Variants in PDE10A observed in about 807,000 individuals in gnomAD.
The protein encoded by PDE10A is phosphodiesterase 10A, also known as cAMP and cAMP-inhibited cGMP 3',5'-cyclic phosphodiesterase 10A.
A neutral mutation model predicts 97.7 loss-of-function variants in PDE10A; 39 were observed. That is an observed-to-expected ratio of 0.40 (90% confidence interval 0.31 to 0.52). The LOEUF (loss-of-function observed/expected upper bound fraction) is 0.52. Among genes scored for constraint, PDE10A ranks in the 20% least tolerant of loss-of-function variants. The pLI, the probability that PDE10A is intolerant of heterozygous loss-of-function variation, is 0.56. For synonymous variants in PDE10A, 371 were observed against 376.8 expected (o/e 0.98, Z 0.18); for missense variants, 731 against 1,047.8 (o/e 0.70, Z 4.17).
chr6:165,799,779 T>C (rs1171425677), intron 1 of PDE10A, among the ~76,000 whole-genome samples: 3 of 152,238 alleles, frequency 2.0e-5, no homozygotes, highest in African/African-American at 7.2e-5. Context: ...CTTTTGCAGA[T>C]ATTATCATTC....
At chr6:165,432,656 C>T (rs1789681979) in intron 7 of PDE10A, among the ~76,000 whole-genome samples, 2 of 152,100 alleles carry the variant, frequency 1.3e-5, no homozygotes, top group Admixed American at 6.5e-5. Flanking sequence ...TTAAAGAAGA[C>T]ATAAAGACAA....
chr6:165,343,250 A>C, intron 19 of PDE10A, 141 bp downstream of exon 19: 1 of 646,230 alleles, frequency 1.5e-6, no homozygotes, highest in African/African-American at 1.8e-5. Flanking sequence ...TATCTGCATA[A>C]GTGCTAAATC....
chr6:165,360,932 G>C (rs1041001352), intron 18 of PDE10A, among the ~76,000 whole-genome samples: 1 of 152,044 alleles, frequency 6.6e-6, no homozygotes, highest in African/African-American at 2.4e-5. Flanking sequence ...TAATACTGGG[G>C]GGTTCATTAC....
intron 1 of PDE10A, among the ~76,000 whole-genome samples, chr6:165,596,338 C>G (rs149700299): frequency 6.6e-6 from 1 of 152,326 alleles, no homozygotes; most frequent in African/African-American, 2.4e-5. Context: ...CCTCCTCAAT[C>G]GTCTCCCTGC....
At chr6:165,618,955 C>CT (rs1562633296) in intron 1 of PDE10A, among the ~76,000 whole-genome samples, 6 of 95,084 alleles carry the variant, frequency 6.3e-5, no homozygotes, top group Non-Finnish European at 9.9e-5. Flanking sequence ...TAGTGTAGTG[C>CT]AGTGTAGACT....
At chr6:165,901,390 C>T (rs1310679001) in intron 1 of PDE10A, among the ~76,000 whole-genome samples, 3 of 152,236 alleles carry the variant, frequency 2.0e-5, no homozygotes, top group Non-Finnish European at 2.9e-5. Context: ...TGTTTTAAAA[C>T]AGCCGGTGGC....
At chr6:165,910,597 A>G (rs368405612) in intron 1 of PDE10A, among the ~76,000 whole-genome samples, 2 of 152,336 alleles carry the variant, frequency 1.3e-5, no homozygotes, top group African/African-American at 4.8e-5. Context: ...GTTCTACAAA[A>G]GGGATAAAGC....
At chr6:165,757,128 G>A (rs538250702) in intron 1 of PDE10A, among the ~76,000 whole-genome samples, 3 of 152,040 alleles carry the variant, frequency 2.0e-5, no homozygotes, top group East Asian at 3.9e-4. Flanking sequence ...CACCACATCC[G>A]GCTAATTTTT....
At chr6:165,970,989 A>T (rs1460740789) in intron 1 of PDE10A, among the ~76,000 whole-genome samples, 2 of 152,196 alleles carry the variant, frequency 1.3e-5, no homozygotes, top group Non-Finnish European at 2.9e-5. Context: ...CTCTACTAAA[A>T]ATACAAAAAT....
At chr6:165,350,875 A>G (rs1782647376) in intron 18 of PDE10A, among the ~76,000 whole-genome samples, 1 of 152,120 alleles carries the variant, frequency 6.6e-6, no homozygotes, top group South Asian at 2.1e-4. Context: ...CCCTTCCATC[A>G]TGATTGTAAG....
rs145497934 is a variant in PDE10A at position 165,587,237 on chromosome 6, G to A, written c.866-43669C>T. The stretch of plus-strand genomic sequence containing the variant: ...ACAGGTCAATGCACAGAATATGTGG[G>A]TGGAGGAATGAAAGAAAGAAGTAAA... On this transcript the variant is annotated intron_variant, in intron 1 of 21. Transcript: ENST00000539869. 5.6e-3 allele frequency among the ~76,000 whole-genome samples: 859 copies of A among 152,270 alleles called. 4 individuals are homozygous for A. The highest frequency in any genetic ancestry group is 0.011 in the African/African-American group (457 of 41,570).
chr6:165,474,856 T>A (rs1310746004), intron 3 of PDE10A, among the ~76,000 whole-genome samples: 1 of 152,114 alleles, frequency 6.6e-6, no homozygotes, highest in Non-Finnish European at 1.5e-5. Context: ...AAATTTTAAA[T>A]AAGTGCCTGA....
intron 1 of PDE10A, among the ~76,000 whole-genome samples, chr6:165,571,190 G>A (rs1056803384): frequency 6.6e-5 from 10 of 152,074 alleles, no homozygotes; most frequent in African/African-American, 9.7e-5. Flanking sequence ...CACTGAATCC[G>A]CCAGCTGTTT....
At chr6:165,773,744 C>A (rs1778082724) in intron 1 of PDE10A, among the ~76,000 whole-genome samples, 1 of 152,054 alleles carries the variant, frequency 6.6e-6, no homozygotes, top group African/African-American at 2.4e-5. Context: ...TGAGTCTCTA[C>A]CACTGATGAA....
At chr6:165,399,331 T>C (rs1786442696) in intron 13 of PDE10A, among the ~76,000 whole-genome samples, 2 of 152,210 alleles carry the variant, frequency 1.3e-5, no homozygotes, top group Non-Finnish European at 1.5e-5. Flanking sequence ...GCTGATTCTA[T>C]AATTTATATG....
At chr6:165,536,436 G>T (rs1783090084) in intron 2 of PDE10A, among the ~76,000 whole-genome samples, 1 of 151,826 alleles carries the variant, frequency 6.6e-6, no homozygotes. Flanking sequence ...AAAAGCACAG[G>T]CAACCAAAGC....
intron 1 of PDE10A, among the ~76,000 whole-genome samples, chr6:165,799,014 AAATACT>A (rs1562742465): frequency 6.6e-6 from 1 of 152,316 alleles, no homozygotes; most frequent in East Asian, 1.9e-4. Context: ...GGCCCCAATC[AAATACT>A]AAGAGGTATT....
intron 1 of PDE10A, among the ~76,000 whole-genome samples, chr6:165,591,730 T>A (rs547634224): frequency 6.6e-6 from 1 of 152,348 alleles, no homozygotes; most frequent in East Asian, 1.9e-4. Context: ...TGAATGTATT[T>A]TAGCCCAATA....
intron 1 of PDE10A, among the ~76,000 whole-genome samples, chr6:165,641,381 T>C (rs1164952518): frequency 6.6e-6 from 1 of 152,084 alleles, no homozygotes; most frequent in African/African-American, 2.4e-5. Context: ...CTGATGCTCA[T>C]AAAAAGGTAA....
Sources: gnomAD v4.1 joint callset for allele counts (sites outside exome capture counted in the v4.1 genomes callset) on GRCh38, gnomAD v4.1.1 for gene constraint, MANE v1.5 for transcripts, NCBI Gene and HGNC (gene_info 2026-07-23, HGNC 2026-07-21) for gene names.